Variants in EPB41L4B observed in about 807,000 individuals in gnomAD.
The protein encoded by EPB41L4B is erythrocyte membrane protein band 4.1 like 4B.
In EPB41L4B, 30 loss-of-function variants were observed where a neutral mutation model predicts 112.5. That is an observed-to-expected ratio of 0.27 (90% confidence interval 0.20 to 0.36). The LOEUF (loss-of-function observed/expected upper bound fraction) is 0.36. EPB41L4B is among the 10% of genes least tolerant of loss of function. EPB41L4B has a pLI of 1.00. For missense variants in EPB41L4B, 1,024 were observed against 1,133.3 expected (o/e 0.90, Z 1.38); for synonymous variants, 408 against 439.7 (o/e 0.93, Z 0.90).
chr9:109,253,970 A>G (rs1834888755), intron 11 of EPB41L4B, among the ~76,000 whole-genome samples: 1 of 152,232 alleles, frequency 6.6e-6, no homozygotes. Flanking sequence ...GCCAAGGCAA[A>G]CATTACTGAT....
chr9:109,240,205 C>T (rs959027640), intron 15 of EPB41L4B: 8 of 985,204 alleles, frequency 8.1e-6, no homozygotes, highest in Admixed American at 1.2e-4. Context: ...TGTAAAAATG[C>T]TATCAATAAG....
intron 1 of EPB41L4B, among the ~76,000 whole-genome samples, chr9:109,293,500 A>C (rs1836612465): frequency 6.6e-6 from 1 of 151,688 alleles, no homozygotes; most frequent in Non-Finnish European, 1.5e-5. Context: ...CCCCTGCCTC[A>C]GCCTCCTGAG....
At chr9:109,226,667 GAA>G (rs1491513531) in intron 15 of EPB41L4B, among the ~76,000 whole-genome samples, 1 of 72,634 alleles carries the variant, frequency 1.4e-5, no homozygotes, top group African/African-American at 4.9e-5. Flanking sequence ...TATATATGAA[GAA>G]TATATATATA....
intron 1 of EPB41L4B, 39 bp from the exon 2 acceptor site, chr9:109,279,960 G>C: frequency 6.6e-7 from 1 of 1,515,836 alleles, no homozygotes; most frequent in Non-Finnish European, 9.1e-7. Flanking sequence ...CTTAGGGTGA[G>C]ACAGCTAGAT....
At position 109,320,308 on chromosome 9, in the gene EPB41L4B, A is replaced by G. The variant is rs1837819559; in HGVS notation, c.139T>C (p.Ser47Pro). ...CCGGGCGCGGCGGGCAGCGCCGAGGAGGAGGCGGCGGCGGCCGGGCCCCCC... is the reference window on the plus strand; with the variant it reads ...CCGGGCGCGGCGGGCAGCGCCGAGGGGGAGGCGGCGGCGGCCGGGCCCCCC... ...PRGGPAAAAS[S>P]SALPAAPGGS... is the part of the protein sequence containing the mutation. Residue 47 changes from serine (S) to proline (P), a missense_variant, in exon 1 of 26, where the codon TCC becomes CCC. Physicochemically the swap from Ser to Pro is moderately conservative, Grantham distance 74 (BLOSUM62 -1). Coordinates refer to ENST00000374566, the MANE Select transcript of EPB41L4B (RefSeq NM_019114.5). 10 of 1,024,754 alleles carry G rather than the reference A, an allele frequency of 9.8e-6. No homozygotes were observed. Among genetic ancestry groups the G allele is most frequent in the Non-Finnish European group, 1.2e-5 (10 of 857,204 alleles). 63.5% of individuals were successfully genotyped at this position (1,024,754 alleles called of 1,614,324 possible).
chr9:109,212,298 A>C (rs902305781), intron 17 of EPB41L4B, among the ~76,000 whole-genome samples: 3 of 152,236 alleles, frequency 2.0e-5, no homozygotes, highest in African/African-American at 7.2e-5. Flanking sequence ...AGAAAAGTTG[A>C]AAACCAGGCG....
chr9:109,279,722 G>T, intron 2 of EPB41L4B, 95 bp downstream of exon 2: 1 of 1,056,928 alleles, frequency 9.5e-7, no homozygotes, highest in Non-Finnish European at 1.4e-6. Flanking sequence ...CACAGTTTTA[G>T]TCTTGTTTTT....
intron 18 of EPB41L4B, among the ~76,000 whole-genome samples, chr9:109,204,480 T>C (rs777087595): frequency 2.0e-4 from 30 of 152,210 alleles, no homozygotes; most frequent in South Asian, 2.1e-4. Flanking sequence ...CAAAGCCTTT[T>C]TAATTTTTGT....
At chr9:109,268,515 C>G in intron 2 of EPB41L4B, 82 bp from the exon 3 acceptor site, 1 of 1,285,172 alleles carries the variant, frequency 7.8e-7, no homozygotes, top group Non-Finnish European at 1.1e-6. Context: ...CCTCTAAAAG[C>G]CTTAGTAATT....
At chr9:109,293,959 T>C (rs1836635340) in intron 1 of EPB41L4B, among the ~76,000 whole-genome samples, 1 of 151,480 alleles carries the variant, frequency 6.6e-6, no homozygotes, top group Non-Finnish European at 1.5e-5. Context: ...CTATAAAAGG[T>C]TTTTAAGATA....
chr9:109,221,674 T>C (rs1182850388), intron 15 of EPB41L4B, among the ~76,000 whole-genome samples: 1 of 152,068 alleles, frequency 6.6e-6, no homozygotes, highest in Non-Finnish European at 1.5e-5. Context: ...TGGCATGTCA[T>C]TAATAGAAAA....
At chr9:109,298,369 A>C (rs1564329235) in intron 1 of EPB41L4B, among the ~76,000 whole-genome samples, 1 of 147,744 alleles carries the variant, frequency 6.8e-6, no homozygotes, top group Non-Finnish European at 1.5e-5. Flanking sequence ...GCTGGAGTGC[A>C]GTGGCGCAAT....
rs1407126260 is a variant in EPB41L4B at position 109,192,264 on chromosome 9, A to G, written c.2301+14T>C. On this transcript the variant is annotated intron_variant, in intron 22 of 25. Coordinates refer to ENST00000374566, the MANE Select transcript of EPB41L4B (RefSeq NM_019114.5). ...TCTGTGACTTTTCTGGTTTTAGCAA[A>G]ATAGGAAGTTTACCAGAGGAGTGGC... 6.2e-7 allele frequency: 1 copy of G among 1,600,338 alleles called. No homozygotes were observed. Among genetic ancestry groups the G allele is most frequent in the East Asian group, 2.2e-5 (1 of 44,624 alleles).
chr9:109,188,496 C>T lies in EPB41L4B; in HGVS notation c.2302-2891G>A, dbSNP rs148824883. On this transcript the variant is annotated intron_variant, in intron 22 of 25. Coordinates refer to ENST00000374566, the MANE Select transcript of EPB41L4B (RefSeq NM_019114.5). ...AGCCACGAAAGAACCAAAGAGAGGC[C>T]TAGATGTATCAGTGAACAGATGACA... Among the ~76,000 whole-genome samples, 269 of 152,302 alleles carry T rather than the reference C, an allele frequency of 1.8e-3. 2 individuals carry two copies. Among genetic ancestry groups the T allele is most frequent in the African/African-American group, 6.4e-3 (265 of 41,562 alleles).
intron 1 of EPB41L4B, among the ~76,000 whole-genome samples, chr9:109,298,165 T>A (rs1425700532): frequency 1.3e-5 from 2 of 152,178 alleles, no homozygotes; most frequent in Admixed American, 6.5e-5. Flanking sequence ...CTTGGATTTA[T>A]ACAGATTATC....
intron 8 of EPB41L4B, 78 bp from the exon 9 acceptor site, chr9:109,256,302 T>A: frequency 6.3e-7 from 1 of 1,586,656 alleles, no homozygotes; most frequent in Non-Finnish European, 8.6e-7. Flanking sequence ...GCAAAAACAG[T>A]TTCCTCACCA....
chr9:109,241,323 A>C, intron 15 of EPB41L4B: 1 of 1,044,588 alleles, frequency 9.6e-7, no homozygotes, highest in Non-Finnish European at 1.2e-6. Context: ...CAATCTTCCC[A>C]AGCTCTTCTG....
intron 1 of EPB41L4B, among the ~76,000 whole-genome samples, chr9:109,292,373 C>T (rs1185867276): frequency 6.6e-6 from 1 of 152,204 alleles, no homozygotes; most frequent in Non-Finnish European, 1.5e-5. Flanking sequence ...TATCAGGCAG[C>T]CTCCCTAACA....
chr9:109,282,862 T>C (rs1200453461), intron 1 of EPB41L4B, among the ~76,000 whole-genome samples: 1 of 152,006 alleles, frequency 6.6e-6, no homozygotes, highest in East Asian at 1.9e-4. Flanking sequence ...GGCTTATTTT[T>C]AGTAGAGACA....
Sources: allele counts gnomAD v4.1 joint callset (sites outside exome capture counted in the v4.1 genomes callset), GRCh38; gene constraint gnomAD v4.1.1; transcripts MANE v1.5; gene names NCBI Gene and HGNC (gene_info 2026-07-23, HGNC 2026-07-21).